WDR73: variants seen among roughly 807,000 people sequenced by gnomAD.
The protein encoded by WDR73 is WD repeat domain 73.
In WDR73, 30 loss-of-function variants were observed where a neutral mutation model predicts 38.2. That is an observed-to-expected ratio of 0.79 (90% confidence interval 0.59 to 1.06). The LOEUF is 1.06. WDR73 is among the 50% of genes least tolerant of loss of function. The probability of loss-of-function intolerance (pLI) is 0.00; values close to 1 mark genes in which losing one functional copy is unlikely to be tolerated. For synonymous variants in WDR73, 197 were observed against 176.0 expected (o/e 1.12, Z -0.94); for missense variants, 487 against 467.0 (o/e 1.04, Z -0.40).
chr15:84,646,369 CA>C, intron 5 of WDR73, 21 bp from the exon 6 acceptor site: 1 of 1,595,114 alleles, frequency 6.3e-7, no homozygotes, highest in Non-Finnish European at 8.6e-7. Flanking sequence ...ACGAAGAGGC[CA>C]AAATCCAGAA....
At chr15:84,643,880 A>C in intron 7 of WDR73, 157 bp from the exon 8 acceptor site, 3 of 862,640 alleles carry the variant, frequency 3.5e-6, no homozygotes, top group South Asian at 4.3e-5. Context: ...GCCTCCCAAA[A>C]TGCTGGGATT....
In WDR73 at chr15:84,650,065, G is replaced by T. The variant is rs1351664609; in HGVS notation, c.199-1440C>A. 6.6e-5 allele frequency among the ~76,000 whole-genome samples: 10 copies of T among 152,252 alleles called. No individual in the cohort carries two copies. In the East Asian group the frequency reaches 1.9e-3, roughly 29 times the overall value. ...ATAAAAACTGGGCCACATCTGCATGGGATCTAGCCTCTCCCAGGCTGAACA... is the reference window on the plus strand; with the variant it reads ...ATAAAAACTGGGCCACATCTGCATGTGATCTAGCCTCTCCCAGGCTGAACA... On this transcript the variant is annotated intron_variant, in intron 3 of 7. Coordinates refer to ENST00000434634, the MANE Select transcript of WDR73 (RefSeq NM_032856.5).
At chr15:84,648,117 G>C (rs991320100) in intron 4 of WDR73, 163 bp from the exon 5 acceptor site, 1 of 675,498 alleles carries the variant, frequency 1.5e-6, no homozygotes, top group Non-Finnish European at 2.7e-6. Context: ...TAAGGAGCAG[G>C]CTCAATCAAC....
chr15:84,641,984 A>G lies in WDR73; in HGVS notation c.*1486T>C, dbSNP rs1896272485. On this transcript the variant is annotated 3_prime_UTR_variant, in exon 8 of 8. Transcript: ENST00000434634. The stretch of plus-strand genomic sequence containing the variant: ...CCAAAGTACTGGGATTACAGACATG[A>G]GCCACATGCTTGACCTGAATTTTAA... 1 of 151,932 alleles carries G rather than the reference A, an allele frequency of 6.6e-6. No homozygotes were observed. Among genetic ancestry groups the G allele is most frequent in the Non-Finnish European group, 1.5e-5 (1 of 67,956 alleles). 9.4% of individuals were successfully genotyped at this position (151,932 alleles called of 1,614,324 possible). A position where few individuals can be genotyped will look rare whatever the true frequency, so the allele number is the denominator to read the frequency against.
intron 7 of WDR73, 63 bp from the exon 8 acceptor site, chr15:84,643,786 T>A: frequency 1.4e-6 from 2 of 1,472,464 alleles, no homozygotes; most frequent in Non-Finnish European, 9.0e-7. Flanking sequence ...AATAATTTTC[T>A]TTCTATTTTT....
In WDR73 at chr15:84,646,199, T is replaced by A. The variant is rs749257000; in HGVS notation, c.502A>T (p.Thr168Ser). Residue 168 changes from threonine (T) to serine (S), a missense_variant, in exon 6 of 8, where the codon ACC becomes TCC. Coordinates refer to ENST00000434634, the MANE Select transcript of WDR73 (RefSeq NM_032856.5). Reference protein sequence around the residue: ...LQVVDLESRKTTYTSDVSDSE... With the variant: ...LQVVDLESRKSTYTSDVSDSE... ...ACCACGGTACCTGAGGTGTACGTGGTCTTCCGGGACTCCAGATCAACGACC... is the reference window on the plus strand; with the variant it reads ...ACCACGGTACCTGAGGTGTACGTGGACTTCCGGGACTCCAGATCAACGACC... 1 of 1,613,600 alleles carries A rather than the reference T, an allele frequency of 6.2e-7. No homozygotes were observed. The highest frequency in any genetic ancestry group is 1.7e-5 in the Admixed American group (1 of 59,998).
Position 84,645,963 on chromosome 15 carries a change from C to G in WDR73, c.518-127G>C, listed in dbSNP as rs1373492403. On this transcript the variant is annotated intron_variant, in intron 6 of 7. Coordinates refer to ENST00000434634, the MANE Select transcript of WDR73 (RefSeq NM_032856.5). Reference sequence around the variant, plus strand: ...AGAATAAATCACATCTCCCTTCCCACTCATCTCACCATTGTCTGCTCAGCT... The same window carrying G: ...AGAATAAATCACATCTCCCTTCCCAGTCATCTCACCATTGTCTGCTCAGCT... The G allele has an allele frequency of 3.9e-6, 6 of 1,550,132 alleles. No individual in the cohort carries two copies. In the Admixed American group the frequency reaches 7.8e-5, roughly 20 times the overall value.
rs773675725 is a variant in WDR73, at chr15:84,648,548, C to T, written c.276G>A (p.Val92=). The change falls in exon 4 of 8, where the codon GTG becomes GTA. Residue 92 remains valine, a synonymous_variant. Coordinates refer to ENST00000434634, the MANE Select transcript of WDR73 (RefSeq NM_032856.5). ...AAAATTGACCATACCTGGTATGTGG[C>T]ACATGCTTTAGATCAAAGATAGACC... is the stretch of plus-strand genomic sequence containing the variant. ...SDRSIFDLKH[V]PHTRLLVTSG... 5 of 1,613,368 alleles carry T rather than the reference C, an allele frequency of 3.1e-6. No individual in the cohort carries two copies. In the African/African-American group the frequency reaches 6.7e-5, roughly 22 times the overall value.
chr15:84,652,815 G>A lies in WDR73; in HGVS notation c.110-13C>T. The A allele has an allele frequency of 6.7e-7, 1 of 1,487,300 alleles. No homozygotes were observed. Among genetic ancestry groups the A allele is most frequent in the Non-Finnish European group, 9.0e-7 (1 of 1,108,516 alleles). The allele number at this position is 1,487,300 out of a possible 1,614,324, so 92.1% of individuals were successfully genotyped here. A position where few individuals can be genotyped will look rare whatever the true frequency, so the allele number is the denominator to read the frequency against. On this transcript the variant is annotated splice_polypyrimidine_tract_variant and intron_variant, in intron 2 of 7. Transcript: ENST00000434634. ...GCAACAAAGACTCCTGGAAAAAGAAGCAGAGGTAGCTGTCACAAATTGTTA... is the reference window on the plus strand; with the variant it reads ...GCAACAAAGACTCCTGGAAAAAGAAACAGAGGTAGCTGTCACAAATTGTTA...
rs113169516 is a variant in WDR73 at position 84,647,335 on chromosome 15, T to C, written c.352+555A>G. On this transcript the variant is annotated intron_variant, in intron 5 of 7. Transcript: ENST00000434634. ...CTCACCTGAGCAGCCTAAGCTCTGC[T>C]GTTGCCACTGCCCCTGCCTAGGGAG... The C allele has an allele frequency of 3.8e-5, 6 of 157,300 alleles. 1 individual carries two copies. Among genetic ancestry groups the C allele is most frequent in the African/African-American group, 1.4e-4 (6 of 41,634 alleles). 9.7% of individuals were successfully genotyped at this position (157,300 alleles called of 1,614,324 possible).
chr15:84,647,834 G>T (rs1020071678), intron 5 of WDR73, 56 bp downstream of exon 5: 9 of 1,529,480 alleles, frequency 5.9e-6, no homozygotes, highest in Middle Eastern at 1.7e-4. Context: ...GGGGACAGGG[G>T]TGTATGAGTC....
chr15:84,654,102 C>T (rs1489304806), intron 1 of WDR73, 132 bp downstream of exon 1: 2 of 1,234,874 alleles, frequency 1.6e-6, no homozygotes, highest in East Asian at 4.7e-5. Flanking sequence ...CGGAGTCCTC[C>T]ACGGTGGCGA....
chr15:84,650,365 CTTTTTCT>C (rs1297537113), intron 3 of WDR73, among the ~76,000 whole-genome samples: 2 of 150,954 alleles, frequency 1.3e-5, no homozygotes, highest in Admixed American at 6.6e-5. Context: ...TTTTCTTTTT[CTTTTTCT>C]TTTTTTTGAG....
intron 2 of WDR73, 39 bp downstream of exon 2, chr15:84,653,593 T>C (rs1405711483): frequency 6.7e-7 from 1 of 1,490,636 alleles, no homozygotes; most frequent in Non-Finnish European, 9.2e-7. Flanking sequence ...AGCTCAGGAG[T>C]GAGATTCCCT....
At chr15:84,650,607 C>T (rs1315988757) in intron 3 of WDR73, among the ~76,000 whole-genome samples, 1 of 152,144 alleles carries the variant, frequency 6.6e-6, no homozygotes, top group Non-Finnish European at 1.5e-5. Context: ...GATCCGCCCA[C>T]CTCAGCCTCC....
rs1174893713 is a variant in WDR73 at position 84,642,638 on chromosome 15, T to A, written c.*832A>T. 1 of 152,010 alleles carries A rather than the reference T, an allele frequency of 6.6e-6. No individual in the cohort carries two copies. Among genetic ancestry groups the A allele is most frequent in the African/African-American group, 2.4e-5 (1 of 41,338 alleles). 9.4% of individuals were successfully genotyped at this position (152,010 alleles called of 1,614,324 possible). The stretch of plus-strand genomic sequence containing the variant: ...CATACCACCACAACCAGCTAACTTG[T>A]ATTTTTAGTAGAGACAAGGTTTCGC... On this transcript the variant is annotated 3_prime_UTR_variant, in exon 8 of 8. Coordinates refer to ENST00000434634, the MANE Select transcript of WDR73 (RefSeq NM_032856.5).
At chr15:84,648,317 T>G in intron 4 of WDR73, 1 of 589,074 alleles carries the variant, frequency 1.7e-6, no homozygotes, top group South Asian at 2.1e-5. Flanking sequence ...GTAGAACTGT[T>G]ACTTACATTA....
In WDR73 at chr15:84,646,309, T is replaced by C. The variant is rs1239534988; in HGVS notation, c.392A>G (p.Lys131Arg). 3.7e-6 allele frequency: 6 copies of C among 1,613,814 alleles called. No individual in the cohort carries two copies. Among genetic ancestry groups the C allele is most frequent in the Non-Finnish European group, 5.1e-6 (6 of 1,179,880 alleles). Residue 131 changes from lysine (K) to arginine (R), a missense_variant, in exon 6 of 8, where the codon AAA becomes AGA. Physicochemically the swap from Lys to Arg is conservative, Grantham distance 26. Transcript: ENST00000434634. ...KAVSTIAVHEKEESLWPRVAV... is the reference protein window; with the variant it reads ...KAVSTIAVHEREESLWPRVAV... ...CACCCTAGGCCAGAGACTCTCCTCT[T>C]TCTCATGCACAGCAATGGTGCTGAC...
chr15:84,650,155 C>T (rs1896579499), intron 3 of WDR73, among the ~76,000 whole-genome samples: 1 of 152,106 alleles, frequency 6.6e-6, no homozygotes, highest in Admixed American at 6.6e-5. Flanking sequence ...GACTCAACTC[C>T]ATAACATGGT....
Sources: allele counts gnomAD v4.1 joint callset (sites outside exome capture counted in the v4.1 genomes callset), GRCh38; gene constraint gnomAD v4.1.1; transcripts MANE v1.5; gene names NCBI Gene and HGNC (gene_info 2026-07-23, HGNC 2026-07-21).